Variants in SORBS2 observed in about 807,000 individuals in gnomAD.
SORBS2 encodes the protein sorbin and SH3 domain-containing protein 2.
A neutral mutation model predicts 97.7 loss-of-function variants in SORBS2; 46 were observed. That is an observed-to-expected ratio of 0.47 (90% CI 0.37 to 0.60). The LOEUF is 0.60. Among genes scored for constraint, SORBS2 ranks in the 20% least tolerant of loss-of-function variants. The pLI is 0.00. For missense variants in SORBS2, 1,316 were observed against 1,282.3 expected (o/e 1.03, Z -0.40); for synonymous variants, 476 against 473.4 (o/e 1.01, Z -0.07).
At chr4:185,630,303 C>T (rs2096885831) in intron 5 of SORBS2, among the ~76,000 whole-genome samples, 1 of 151,800 alleles carries the variant, frequency 6.6e-6, no homozygotes, top group Non-Finnish European at 1.5e-5. Context: ...GTATAGGGGA[C>T]TAAGGGAAGA....
At chr4:185,873,509 G>A (rs775615327) in intron 1 of SORBS2, among the ~76,000 whole-genome samples, 2 of 152,122 alleles carry the variant, frequency 1.3e-5, no homozygotes, top group Non-Finnish European at 2.9e-5. Context: ...AAATTGATAA[G>A]CATGAACCAG....
chr4:185,885,540 G>A (rs547703939), intron 1 of SORBS2, among the ~76,000 whole-genome samples: 11 of 152,304 alleles, frequency 7.2e-5, no homozygotes, highest in Middle Eastern at 3.4e-3. Flanking sequence ...GCTCAAAAGC[G>A]TAACATTTCA....
intron 1 of SORBS2, among the ~76,000 whole-genome samples, chr4:185,870,835 A>T (rs1277296463): frequency 1.3e-5 from 2 of 152,216 alleles, no homozygotes; most frequent in Non-Finnish European, 2.9e-5. Flanking sequence ...TTCCATGAAC[A>T]TTAAGGAAAG....
intron 12 of SORBS2, among the ~76,000 whole-genome samples, chr4:185,604,004 C>A (rs2096343733): frequency 6.6e-6 from 1 of 152,132 alleles, no homozygotes; most frequent in African/African-American, 2.4e-5. Flanking sequence ...TGACGGGAGA[C>A]AATGAGTCCA....
chr4:185,843,137 T>C (rs1296339638), intron 1 of SORBS2, among the ~76,000 whole-genome samples: 3 of 151,864 alleles, frequency 2.0e-5, no homozygotes, highest in East Asian at 3.9e-4. Context: ...ATGGAAGACT[T>C]TGTAGAACAA....
chr4:185,895,066 CAT>C (rs2099244365), intron 1 of SORBS2, among the ~76,000 whole-genome samples: 1 of 152,200 alleles, frequency 6.6e-6, no homozygotes, highest in Admixed American at 6.5e-5. Flanking sequence ...GACTTGAAAA[CAT>C]GTGATTTACT....
chr4:185,940,325 T>C (rs1271657566), intron 1 of SORBS2, among the ~76,000 whole-genome samples: 1 of 152,212 alleles, frequency 6.6e-6, no homozygotes, highest in Non-Finnish European at 1.5e-5. Context: ...ACAGAATTAC[T>C]GATTTATTAA....
intron 1 of SORBS2, among the ~76,000 whole-genome samples, chr4:185,830,808 T>G (rs1415960562): frequency 6.6e-6 from 1 of 152,198 alleles, no homozygotes; most frequent in Non-Finnish European, 1.5e-5. Context: ...TGAGGGCGGT[T>G]AGCCATCACC....
intron 12 of SORBS2, among the ~76,000 whole-genome samples, chr4:185,611,056 G>A (rs975467949): frequency 1.3e-5 from 2 of 152,012 alleles, no homozygotes; most frequent in African/African-American, 4.8e-5. Flanking sequence ...ATTACGTATT[G>A]AGAAAGATAA....
At chr4:185,807,520 G>A (rs1024704957) in intron 1 of SORBS2, among the ~76,000 whole-genome samples, 3 of 152,144 alleles carry the variant, frequency 2.0e-5, no homozygotes, top group Non-Finnish European at 1.5e-5. Flanking sequence ...GAAGTGTGGT[G>A]GAGTTCCATA....
intron 2 of SORBS2, among the ~76,000 whole-genome samples, chr4:185,755,287 A>G (rs1271398918): frequency 1.3e-5 from 2 of 152,270 alleles, no homozygotes; most frequent in African/African-American, 4.8e-5. Context: ...TCGCAAGCAC[A>G]GCCAATTCAC....
chr4:185,838,199 C>T (rs948570062), intron 1 of SORBS2, among the ~76,000 whole-genome samples: 1 of 152,260 alleles, frequency 6.6e-6, no homozygotes, highest in Non-Finnish European at 1.5e-5. Context: ...CCTGGCTGGC[C>T]CCGCCCACAG....
intron 1 of SORBS2, among the ~76,000 whole-genome samples, chr4:185,821,316 A>T (rs1431754177): frequency 1.3e-5 from 2 of 152,186 alleles, no homozygotes; most frequent in Non-Finnish European, 2.9e-5. Context: ...AGCAGAGGCG[A>T]GGTGGACAGG....
intron 1 of SORBS2, among the ~76,000 whole-genome samples, chr4:185,902,076 T>C (rs2099248077): frequency 6.6e-6 from 1 of 152,212 alleles, no homozygotes; most frequent in African/African-American, 2.4e-5. Context: ...TATTACTTGA[T>C]TAGTTTGTTC....
At chr4:185,700,550 A>G (rs555850769) in intron 2 of SORBS2, among the ~76,000 whole-genome samples, 1 of 152,198 alleles carries the variant, frequency 6.6e-6, no homozygotes, top group Non-Finnish European at 1.5e-5. Context: ...ATTGACAAGA[A>G]GATGTATAAA....
intron 1 of SORBS2, among the ~76,000 whole-genome samples, chr4:185,882,864 T>C (rs566486593): frequency 2.0e-5 from 3 of 152,266 alleles, no homozygotes; most frequent in South Asian, 2.1e-4. Flanking sequence ...TGGTTATCTA[T>C]AAATCAAAAC....
At chr4:185,670,726 C>T (rs1286291224) in intron 4 of SORBS2, among the ~76,000 whole-genome samples, 1 of 151,974 alleles carries the variant, frequency 6.6e-6, no homozygotes, top group Admixed American at 6.6e-5. Flanking sequence ...CCCATCCACA[C>T]ATCCTTTAGG....
At chr4:185,804,420 C>T (rs1483948357) in intron 1 of SORBS2, among the ~76,000 whole-genome samples, 1 of 152,188 alleles carries the variant, frequency 6.6e-6, no homozygotes, top group Non-Finnish European at 1.5e-5. Flanking sequence ...AAAGACTGGA[C>T]ACGTCAAAAC....
chr4:185,731,881 T>TAC (rs2098641525), intron 2 of SORBS2, among the ~76,000 whole-genome samples: 1 of 51,058 alleles, frequency 2.0e-5, no homozygotes, highest in Non-Finnish European at 4.1e-5. Flanking sequence ...TATATATATA[T>TAC]ATATATATAT....
Sources: gnomAD v4.1 joint callset for allele counts (sites outside exome capture counted in the v4.1 genomes callset) on GRCh38, gnomAD v4.1.1 for gene constraint, MANE v1.5 for transcripts, NCBI Gene and HGNC (gene_info 2026-07-23, HGNC 2026-07-21) for gene names.